The following EYA1 variants were observed in gnomAD, a reference collection of about 807,000 sequenced individuals.
EYA1 encodes EYA transcriptional coactivator and phosphatase 1.
EYA1 carries 16 observed loss-of-function variants against 82.0 expected under a neutral mutation model. That is an observed-to-expected ratio of 0.20 (90% CI 0.13 to 0.30). The LOEUF (loss-of-function observed/expected upper bound fraction) is 0.30, where lower values mean the gene tolerates loss of function less well. EYA1 is among the 10% of genes least tolerant of loss of function. EYA1 has a pLI of 1.00. For missense variants in EYA1, 633 were observed against 730.7 expected, an observed-to-expected ratio of 0.87 and a Z score of 1.54; for synonymous variants, 261 against 264.4, an observed-to-expected ratio of 0.99 and a Z score of 0.12.
chr8:71,368,355 C>T (rs1191060635), intron 2 of EYA1, among the ~76,000 whole-genome samples: 2 of 152,014 alleles, frequency 1.3e-5, no homozygotes, highest in Non-Finnish European at 2.9e-5. Context: ...CCGCAAAGCC[C>T]CCATTAGCTT....
chr8:71,248,794 C>T (rs576853124), intron 11 of EYA1, among the ~76,000 whole-genome samples: 4 of 152,092 alleles, frequency 2.6e-5, no homozygotes, highest in South Asian at 2.1e-4. Flanking sequence ...AAGTCTCATA[C>T]GAGTACAAGT....
At chr8:71,525,233 A>T (rs1330609294) in intron 2 of EYA1, among the ~76,000 whole-genome samples, 2 of 152,216 alleles carry the variant, frequency 1.3e-5, no homozygotes, top group African/African-American at 4.8e-5. Context: ...TATGCACTGA[A>T]TTAACGTGGT....
intron 17 of EYA1, among the ~76,000 whole-genome samples, chr8:71,208,066 C>A (rs889695970): frequency 3.9e-5 from 6 of 152,154 alleles, no homozygotes; most frequent in Admixed American, 6.5e-5. Flanking sequence ...GACTATGAAT[C>A]AGTGAGGCAA....
At chr8:71,547,410 C>T (rs1815724365) in intron 1 of EYA1, 1 of 152,352 alleles carries the variant, frequency 6.6e-6, no homozygotes, top group South Asian at 2.1e-4. Flanking sequence ...ACGTGCAGCG[C>T]CCGACGCCAC....
intron 17 of EYA1, among the ~76,000 whole-genome samples, chr8:71,207,802 A>T (rs75933414): frequency 6.8e-6 from 1 of 146,998 alleles, no homozygotes; most frequent in Non-Finnish European, 1.5e-5. Context: ...AAAGAAGGTT[A>T]AAAAAAAAAG....
chr8:71,372,247 C>T (rs1022009778), intron 2 of EYA1, among the ~76,000 whole-genome samples: 7 of 152,068 alleles, frequency 4.6e-5, no homozygotes, highest in Admixed American at 4.6e-4. Flanking sequence ...TCAGACTTCT[C>T]AATTAGAACA....
intron 2 of EYA1, among the ~76,000 whole-genome samples, chr8:71,396,991 AT>A (rs1829662036): frequency 6.6e-6 from 1 of 152,206 alleles, no homozygotes; most frequent in African/African-American, 2.4e-5. Flanking sequence ...ATGCATATAT[AT>A]TTAGCATAGT....
intron 2 of EYA1, among the ~76,000 whole-genome samples, chr8:71,356,123 T>C (rs1442523588): frequency 1.3e-5 from 2 of 152,166 alleles, no homozygotes; most frequent in Non-Finnish European, 2.9e-5. Context: ...CAGCTTAACA[T>C]GAACCATTTT....
chr8:71,335,170 T>C (rs1001965695), intron 3 of EYA1, among the ~76,000 whole-genome samples: 1 of 152,216 alleles, frequency 6.6e-6, no homozygotes. Context: ...TTTTAAGGGA[T>C]ACCTAAAAAT....
chr8:71,483,301 ATCT>A (rs1273002061), intron 2 of EYA1, among the ~76,000 whole-genome samples: 1 of 152,090 alleles, frequency 6.6e-6, no homozygotes, highest in African/African-American at 2.4e-5. Flanking sequence ...TTTAAATGTC[ATCT>A]TCTCACCAAG....
At chr8:71,531,714 T>C (rs553330965) in intron 2 of EYA1, among the ~76,000 whole-genome samples, 2 of 152,296 alleles carry the variant, frequency 1.3e-5, no homozygotes, top group Admixed American at 1.3e-4. Context: ...CTGCCATGGC[T>C]GCTAAGAGCG....
chr8:71,540,946 G>C (rs1815089306), intron 1 of EYA1, among the ~76,000 whole-genome samples: 1 of 152,052 alleles, frequency 6.6e-6, no homozygotes, highest in Non-Finnish European at 1.5e-5. Flanking sequence ...CAAATCAAGG[G>C]GTTTCTAAGA....
intron 11 of EYA1, among the ~76,000 whole-genome samples, chr8:71,251,496 C>CT (rs2128916803): frequency 6.6e-6 from 1 of 152,304 alleles, no homozygotes; most frequent in African/African-American, 2.4e-5. Context: ...CAAATGTCTA[C>CT]TTAAAGTCAC....
At chr8:71,518,041 T>C (rs1813110815) in intron 2 of EYA1, among the ~76,000 whole-genome samples, 1 of 151,634 alleles carries the variant, frequency 6.6e-6, no homozygotes, top group South Asian at 2.1e-4. Context: ...TTACATATAA[T>C]AAAATCTACA....
chr8:71,339,641 C>T (rs1253302818), intron 3 of EYA1, among the ~76,000 whole-genome samples: 6 of 152,226 alleles, frequency 3.9e-5, no homozygotes, highest in Admixed American at 3.9e-4. Flanking sequence ...CATCTTCCTG[C>T]AACATTTCCC....
Position 71,539,108 on chromosome 8 carries a change from G to C in EYA1, c.-72-3260C>G, listed in dbSNP as rs150459651. On this transcript the variant is annotated intron_variant, in intron 1 of 18. Coordinates refer to the EYA1 transcript ENST00000643681. ...CTTCATAAAAAGACAAGGACTAAGAGGCATCTAGGGCCCTGTCTACCAAGT... is the reference window on the plus strand; with the variant it reads ...CTTCATAAAAAGACAAGGACTAAGACGCATCTAGGGCCCTGTCTACCAAGT... Among the ~76,000 whole-genome samples the C allele has an allele frequency of 2.6e-5, 4 of 152,112 alleles. No individual in the cohort carries two copies. In the East Asian group the frequency reaches 7.7e-4, roughly 29 times the overall value.
intron 2 of EYA1, chr8:71,405,062 G>C (rs899898739): frequency 2.0e-5 from 3 of 151,770 alleles, no homozygotes; most frequent in African/African-American, 7.3e-5. Flanking sequence ...AATAAAATTA[G>C]GATTCAGGCC....
chr8:71,215,537 G>C lies in EYA1; in HGVS notation c.1476-29C>G, dbSNP rs761185022. The C allele has an allele frequency of 1.9e-6, 3 of 1,612,532 alleles. No homozygotes were observed. In the Admixed American group the frequency reaches 5.0e-5, roughly 27 times the overall value. On this transcript the variant is annotated intron_variant, in intron 15 of 17. Coordinates refer to ENST00000340726, the MANE Select transcript of EYA1 (RefSeq NM_000503.6). ...TGAGAACAAAAAGAAAACAAAGACT[G>C]TTGAAAAATAAATCTCCAAAATGAA... is the stretch of plus-strand genomic sequence containing the variant.
intron 1 of EYA1, 94 bp downstream of exon 1, chr8:71,361,553 A>G: frequency 1.7e-6 from 1 of 575,500 alleles, no homozygotes; most frequent in Non-Finnish European, 2.2e-6. Flanking sequence ...ACAAATCAAA[A>G]CAATAATAAA....
Sources: allele counts gnomAD v4.1 joint callset (sites outside exome capture counted in the v4.1 genomes callset), GRCh38; gene constraint gnomAD v4.1.1; transcripts MANE v1.5; gene names NCBI Gene and HGNC (gene_info 2026-07-23, HGNC 2026-07-21).